Variants in PPIB observed in about 807,000 individuals in gnomAD.
PPIB encodes peptidyl-prolyl cis-trans isomerase B.
Under a neutral mutation model 20.1 loss-of-function variants are expected in PPIB, and 15 were observed. The ratio of observed to expected loss-of-function variants is 0.75; its 90% CI spans 0.50 to 1.15. The LOEUF is 1.15. PPIB is among the 50% of genes most tolerant of loss of function. PPIB has a pLI of 0.00. For missense variants in PPIB, 278 were observed against 283.0 expected (o/e 0.98, Z 0.13); for synonymous variants, 129 against 111.0 (o/e 1.16, Z -1.02).
Position 64,156,683 on chromosome 15 carries a change from G to A in PPIB, c.528+42C>T, listed in dbSNP as rs772749269. On this transcript the variant is annotated intron_variant, in intron 4 of 4. Transcript: ENST00000300026. This position sits in a 1 kb window ranked among gnomAD's most constrained non-coding sequence, Gnocchi z 6.4. ...GCCCTGGGGTCTGTGTTGAATCCCC[G>A]GTGAGGATTGCCCAGTAGTAGCCCT... 18 of 1,608,742 alleles carry A rather than the reference G, an allele frequency of 1.1e-5. No individual in the cohort carries two copies. Among genetic ancestry groups the A allele is most frequent in the Middle Eastern group, 1.6e-4 (1 of 6,074 alleles).
chr15:64,156,971 G>A lies in PPIB; in HGVS notation c.344-62C>T. 6.4e-7 allele frequency: 1 copy of A among 1,555,256 alleles called. No individual in the cohort carries two copies. The highest frequency in any genetic ancestry group is 8.8e-7 in the Non-Finnish European group (1 of 1,131,512). ...TTGCGCCAAACCAAGCAGACATTCGGGGCCAGGACTGAGGGGGCTTAACCT... is the reference window on the plus strand; with the variant it reads ...TTGCGCCAAACCAAGCAGACATTCGAGGCCAGGACTGAGGGGGCTTAACCT... On this transcript the variant is annotated intron_variant, in intron 3 of 4. Coordinates refer to ENST00000300026, the MANE Select transcript of PPIB (RefSeq NM_000942.5). The surrounding 1 kb of genome is among the most constrained non-coding windows in gnomAD (Gnocchi z 6.4).
rs1287817708 is a variant in PPIB, at chr15:64,162,974, A to G, written c.13T>C (p.Ser5Pro). The change falls in exon 1 of 5, where the codon TCC (serine) becomes CCC (proline). Residue 5 changes from serine to proline, a missense_variant. By Grantham distance (74) the Ser-to-Pro change is moderately conservative. Transcript: ENST00000300026. ...AGGAGCACCTTCATGTTGCGTTCGG[A>G]GAGGCGCAGCATCCACAGGCGGAGG... MLRL[S>P]ERNMKVLLAA... is the part of the protein sequence containing the mutation. 2 of 1,612,650 alleles carry G rather than the reference A, an allele frequency of 1.2e-6. No individual in the cohort carries two copies. The highest frequency in any genetic ancestry group is 8.5e-7 in the Non-Finnish European group (1 of 1,179,426).
intron 1 of PPIB, 102 bp downstream of exon 1, chr15:64,162,750 G>A: frequency 4.6e-6 from 7 of 1,535,118 alleles, no homozygotes; most frequent in Non-Finnish European, 6.2e-6. Context: ...GACGCCACGA[G>A]GCCACAGACA....
Position 64,157,159 on chromosome 15 carries a change from A to AGTTT in PPIB, c.344-254_344-251dup. ...CACAGAAGGATTACTTTGAGAAGAT[A>AGTTT]GTTTTGTGGCTTTTAAATAAGGCGC... On this transcript the variant is annotated intron_variant, in intron 3 of 4. Coordinates refer to ENST00000300026, the MANE Select transcript of PPIB (RefSeq NM_000942.5). The surrounding 1 kb of genome is among the most constrained non-coding windows in gnomAD (Gnocchi z 4.2). 1 of 565,738 alleles carries AGTTT rather than the reference A, an allele frequency of 1.8e-6. No homozygotes were observed. The highest frequency in any genetic ancestry group is 2.9e-5 in the East Asian group (1 of 34,032). 35.0% of individuals were successfully genotyped at this position (565,738 alleles called of 1,614,324 possible).
chr15:64,156,292 C>T lies in PPIB; in HGVS notation c.529-147G>A. The stretch of plus-strand genomic sequence containing the variant: ...CTGGAGGCACCAAAATTCTAACAGA[C>T]TCCTGGCCAGAGCAGGGAGAATGCA... On this transcript the variant is annotated intron_variant, in intron 4 of 4. Coordinates refer to ENST00000300026, the MANE Select transcript of PPIB (RefSeq NM_000942.5). The surrounding 1 kb of genome is among the most constrained non-coding windows in gnomAD (Gnocchi z 6.4). 1 of 1,041,244 alleles carries T rather than the reference C, an allele frequency of 9.6e-7. No homozygotes were observed. Among genetic ancestry groups the T allele is most frequent in the Non-Finnish European group, 1.4e-6 (1 of 690,934 alleles). 64.5% of individuals were successfully genotyped at this position (1,041,244 alleles called of 1,614,324 possible). A position where few individuals can be genotyped will look rare whatever the true frequency, so the allele number is the denominator to read the frequency against.
At position 64,160,226 on chromosome 15, in the gene PPIB, G is replaced by A. The variant is rs769115129; in HGVS notation, c.250-29C>T. The stretch of plus-strand genomic sequence containing the variant: ...GAAAAAGGGAAGAGAAGGTAAGGAG[G>A]TGGTATGGGGCAGCAGGAAGACATT... On this transcript the variant is annotated intron_variant, in intron 2 of 4. Transcript: ENST00000300026. This position sits in a 1 kb window ranked among gnomAD's most constrained non-coding sequence, Gnocchi z 4.8. 4 of 1,545,958 alleles carry A rather than the reference G, an allele frequency of 2.6e-6. No homozygotes were observed. Among genetic ancestry groups the A allele is most frequent in the Middle Eastern group, 1.7e-4 (1 of 5,964 alleles).
At position 64,157,940 on chromosome 15, in the gene PPIB, C is replaced by G. The variant is rs564131109; in HGVS notation, c.344-1031G>C. ...TCACCCCCACGCTGGGGAGACTGGA[C>G]TCTGCCACATGTGCAGTGAGACCTG... On this transcript the variant is annotated intron_variant, in intron 3 of 4. Transcript: ENST00000300026. The surrounding 1 kb of genome is among the most constrained non-coding windows in gnomAD (Gnocchi z 4.2). Among the ~76,000 whole-genome samples the G allele has an allele frequency of 2.5e-4, 38 of 152,288 alleles. No individual in the cohort carries two copies. The highest frequency in any genetic ancestry group is 8.9e-4 in the African/African-American group (37 of 41,564).
rs1026298389 is a variant in PPIB at position 64,160,670 on chromosome 15, G to C, written c.250-473C>G. Among the ~76,000 whole-genome samples, 13 of 152,092 alleles carry C rather than the reference G, an allele frequency of 8.5e-5. No individual in the cohort carries two copies. The highest frequency in any genetic ancestry group is 7.9e-4 in the Admixed American group (12 of 15,268). ...ATTTTATTATTATTTTTTTGAGACA[G>C]AGTTTCTCTCTTGTCACCCAGGCTG... On this transcript the variant is annotated intron_variant, in intron 2 of 4. Coordinates refer to ENST00000300026, the MANE Select transcript of PPIB (RefSeq NM_000942.5). The surrounding 1 kb of genome is among the most constrained non-coding windows in gnomAD (Gnocchi z 4.8).
Position 64,155,916 on chromosome 15 carries a change from G to T in PPIB, c.*107C>A. 6.5e-7 allele frequency: 1 copy of T among 1,544,282 alleles called. No homozygotes were observed. The highest frequency in any genetic ancestry group is 8.9e-7 in the Non-Finnish European group (1 of 1,123,978). ...TGGGCCTGTGGAATGTGAGGGGAGT[G>T]GGTCCGCTCCACCAGATGCCAGCAC... On this transcript the variant is annotated 3_prime_UTR_variant, in exon 5 of 5. Coordinates refer to ENST00000300026, the MANE Select transcript of PPIB (RefSeq NM_000942.5).
At chr15:64,162,775 A>C in intron 1 of PPIB, 77 bp downstream of exon 1, 1 of 1,560,342 alleles carries the variant, frequency 6.4e-7, no homozygotes, top group Non-Finnish European at 8.7e-7. Context: ...CCGAGGGAGG[A>C]GGGGCTGAGC....
chr15:64,158,287 G>A lies in PPIB; in HGVS notation c.344-1378C>T, dbSNP rs778894307. On this transcript the variant is annotated intron_variant, in intron 3 of 4. Coordinates refer to ENST00000300026, the MANE Select transcript of PPIB (RefSeq NM_000942.5). The surrounding 1 kb of genome is among the most constrained non-coding windows in gnomAD (Gnocchi z 4.7). ...CGAGTGCTTAGGGTGCTCATAGTGT[G>A]AGCCAGAGACTGTTCCAAGCATCTT... Among the ~76,000 whole-genome samples the A allele has an allele frequency of 2.0e-5, 3 of 152,164 alleles. No individual in the cohort carries two copies. The highest frequency in any genetic ancestry group is 7.2e-5 in the African/African-American group (3 of 41,420).
In PPIB at chr15:64,158,458, C is replaced by G. The variant is rs1184757643; in HGVS notation, c.344-1549G>C. The stretch of plus-strand genomic sequence containing the variant: ...GGTGGTCTGCTCTCGAATCTCTGCT[C>G]TCAGCCACCTCAGGATCAGGTCCAA... On this transcript the variant is annotated intron_variant, in intron 3 of 4. Transcript: ENST00000300026. This position sits in a 1 kb window ranked among gnomAD's most constrained non-coding sequence, Gnocchi z 4.7. 1.3e-5 allele frequency among the ~76,000 whole-genome samples: 2 copies of G among 152,200 alleles called. No homozygotes were observed. The highest frequency in any genetic ancestry group is 4.8e-5 in the African/African-American group (2 of 41,438).
chr15:64,160,589 G>A lies in PPIB; in HGVS notation c.250-392C>T, dbSNP rs1338503214. On this transcript the variant is annotated intron_variant, in intron 2 of 4. Coordinates refer to ENST00000300026, the MANE Select transcript of PPIB (RefSeq NM_000942.5). The surrounding 1 kb of genome is among the most constrained non-coding windows in gnomAD (Gnocchi z 4.8). ...TTAAAACCCACTGCCCTCACCCTAG[G>A]TGAAGTCTCCCCAGGAAGCTCTGGA... Among the ~76,000 whole-genome samples, 1 of 152,184 alleles carries A rather than the reference G, an allele frequency of 6.6e-6. No individual in the cohort carries two copies. Among genetic ancestry groups the A allele is most frequent in the East Asian group, 1.9e-4 (1 of 5,206 alleles).
rs575495858 is a variant in PPIB at position 64,160,269 on chromosome 15, C to G, written c.250-72G>C. ...AAGACATTACATTAAATAGGCCTCA[C>G]AGGAACAAGTCCACAACTCCTGCTC... On this transcript the variant is annotated intron_variant, in intron 2 of 4. Coordinates refer to ENST00000300026, the MANE Select transcript of PPIB (RefSeq NM_000942.5). The surrounding 1 kb of genome is among the most constrained non-coding windows in gnomAD (Gnocchi z 4.8). 30 of 1,220,694 alleles carry G rather than the reference C, an allele frequency of 2.5e-5. No homozygotes were observed. Among genetic ancestry groups the G allele is most frequent in the African/African-American group, 2.1e-4 (14 of 67,246 alleles). The allele number at this position is 1,220,694 out of a possible 1,614,324, so 75.6% of individuals were successfully genotyped here. A position where few individuals can be genotyped will look rare whatever the true frequency, so the allele number is the denominator to read the frequency against.
chr15:64,155,817 T>C lies in PPIB; in HGVS notation c.*206A>G. Reference sequence around the variant, plus strand: ...TCAAGAACCAGGCCCACACATTATATATTAAAAAAAAAAAAACCCACATTT... The same window carrying C: ...TCAAGAACCAGGCCCACACATTATACATTAAAAAAAAAAAAACCCACATTT... On this transcript the variant is annotated 3_prime_UTR_variant, in exon 5 of 5. Coordinates refer to ENST00000300026, the MANE Select transcript of PPIB (RefSeq NM_000942.5). 1.8e-6 allele frequency: 1 copy of C among 554,174 alleles called. No individual in the cohort carries two copies. Among genetic ancestry groups the C allele is most frequent in the East Asian group, 3.5e-5 (1 of 28,610 alleles). 34.3% of individuals were successfully genotyped at this position (554,174 alleles called of 1,614,324 possible). A position where few individuals can be genotyped will look rare whatever the true frequency, so the allele number is the denominator to read the frequency against.
rs1035815090 is a variant in PPIB, at chr15:64,157,929, G to C, written c.344-1020C>G. 6.6e-6 allele frequency among the ~76,000 whole-genome samples: 1 copy of C among 152,076 alleles called. No homozygotes were observed. Among genetic ancestry groups the C allele is most frequent in the African/African-American group, 2.4e-5 (1 of 41,412 alleles). On this transcript the variant is annotated intron_variant, in intron 3 of 4. Transcript: ENST00000300026. This position sits in a 1 kb window ranked among gnomAD's most constrained non-coding sequence, Gnocchi z 4.2. Reference sequence around the variant, plus strand: ...TGCTCCACCTCTCACCCCCACGCTGGGGAGACTGGACTCTGCCACATGTGC... The same window carrying C: ...TGCTCCACCTCTCACCCCCACGCTGCGGAGACTGGACTCTGCCACATGTGC...
rs2081558413 is a variant in PPIB, at chr15:64,160,319, A to C, written c.250-122T>G. The C allele has an allele frequency of 1.3e-6, 1 of 797,678 alleles. No homozygotes were observed. The highest frequency in any genetic ancestry group is 2.0e-5 in the Admixed American group (1 of 50,558). The allele number at this position is 797,678 out of a possible 1,614,324, so 49.4% of individuals were successfully genotyped here. On this transcript the variant is annotated intron_variant, in intron 2 of 4. Transcript: ENST00000300026. This position sits in a 1 kb window ranked among gnomAD's most constrained non-coding sequence, Gnocchi z 4.8. ...CGCAGAAGAGACACCACTGCTGACC[A>C]CTTTCACTGTTCAGTGTGCTACTAA...
In PPIB at chr15:64,159,910, C is replaced by T. The variant is rs1278880077; in HGVS notation, c.343+194G>A. 1 of 647,210 alleles carries T rather than the reference C, an allele frequency of 1.5e-6. No individual in the cohort carries two copies. The highest frequency in any genetic ancestry group is 2.8e-6 in the Non-Finnish European group (1 of 359,688). The allele number at this position is 647,210 out of a possible 1,614,324, so 40.1% of individuals were successfully genotyped here. On this transcript the variant is annotated intron_variant, in intron 3 of 4. Coordinates refer to ENST00000300026, the MANE Select transcript of PPIB (RefSeq NM_000942.5). This position sits in a 1 kb window ranked among gnomAD's most constrained non-coding sequence, Gnocchi z 5.1. ...CTCTTAGATCTACCATCAGGTCCAC[C>T]CCATTATTCTCTCTCCTTTGTACTG...
At position 64,156,537 on chromosome 15, in the gene PPIB, G is replaced by T; in HGVS notation, c.528+188C>A. On this transcript the variant is annotated intron_variant, in intron 4 of 4. Transcript: ENST00000300026. This position sits in a 1 kb window ranked among gnomAD's most constrained non-coding sequence, Gnocchi z 6.4. ...GCAGCCTTCCTGGCTGGGCTCTGAG[G>T]GGGCTGGAAGAATTTAGAACCTTGG... 1 of 767,620 alleles carries T rather than the reference G, an allele frequency of 1.3e-6. No individual in the cohort carries two copies. Among genetic ancestry groups the T allele is most frequent in the Non-Finnish European group, 2.2e-6 (1 of 452,996 alleles). The allele number at this position is 767,620 out of a possible 1,614,324, so 47.6% of individuals were successfully genotyped here. A position where few individuals can be genotyped will look rare whatever the true frequency, so the allele number is the denominator to read the frequency against.
Sources: gnomAD v4.1 joint callset for allele counts (sites outside exome capture counted in the v4.1 genomes callset) on GRCh38, gnomAD v4.1.1 for gene constraint, Gnocchi (gnomAD v3.1) non-coding constraint, MANE v1.5 for transcripts, NCBI Gene and HGNC (gene_info 2026-07-23, HGNC 2026-07-21) for gene names.